Variants in DNAI2 observed in about 807,000 individuals in gnomAD.
DNAI2 encodes the protein dynein, axonemal, intermediate polypeptide 2.
In DNAI2, 63 loss-of-function variants were observed where a neutral mutation model predicts 74.7. The ratio of observed to expected loss-of-function variants is 0.84; its 90% CI spans 0.69 to 1.04. The LOEUF is 1.04. Ranked by LOEUF, DNAI2 falls within the 50% of genes least tolerant of loss-of-function variation. The pLI is 0.00. For synonymous variants in DNAI2, 289 were observed against 314.9 expected, an observed-to-expected ratio of 0.92 and a Z score of 0.87; for missense variants, 688 against 803.2, an observed-to-expected ratio of 0.86 and a Z score of 1.73.
intron 9 of DNAI2, among the ~76,000 whole-genome samples, chr17:74,305,670 C>CTTTTTTTTTTTTTT (rs4007906): frequency 8.2e-6 from 1 of 122,248 alleles, no homozygotes; most frequent in Non-Finnish European, 1.7e-5. Context: ...ATTTTATTTC[C>CTTTTTTTTTTTTTT]TTTTTTTTTT....
rs564663710 is a variant in DNAI2 at position 74,303,145 on chromosome 17, G to C, written c.987+1977G>C. Among the ~76,000 whole-genome samples, 4 of 152,268 alleles carry C rather than the reference G, an allele frequency of 2.6e-5. No homozygotes were observed. The South Asian group carries it at 8.3e-4, about 32-fold the overall frequency. ...GCCTACAACCATCTCGTGGGGTAAT[G>C]TTATTATCCGTACTTGCCAGACACA... On this transcript the variant is annotated intron_variant, in intron 8 of 13. Coordinates refer to ENST00000311014, the MANE Select transcript of DNAI2 (RefSeq NM_023036.6).
intron 3 of DNAI2, among the ~76,000 whole-genome samples, chr17:74,285,688 C>A (rs1160278825): frequency 6.6e-6 from 1 of 151,918 alleles, no homozygotes; most frequent in Non-Finnish European, 1.5e-5. Context: ...GATTGCAGTC[C>A]ATTGGAGGTC....
At chr17:74,290,638 T>A (rs2052031153) in intron 5 of DNAI2, among the ~76,000 whole-genome samples, 1 of 152,104 alleles carries the variant, frequency 6.6e-6, no homozygotes, top group Admixed American at 6.5e-5. Flanking sequence ...CCCTATGGGG[T>A]GGACTCCGTC....
chr17:74,278,773 CA>C (rs1292874206), intron 1 of DNAI2, among the ~76,000 whole-genome samples: 3 of 146,930 alleles, frequency 2.0e-5, no homozygotes, highest in Admixed American at 2.0e-4. Flanking sequence ...GATTCCATCT[CA>C]AAAAAAAAGA....
At chr17:74,312,924 A>G (rs1254550807) in intron 12 of DNAI2, among the ~76,000 whole-genome samples, 3 of 152,210 alleles carry the variant, frequency 2.0e-5, no homozygotes, top group African/African-American at 7.2e-5. Flanking sequence ...GATATGAAAG[A>G]GCCAAAGAGC....
chr17:74,286,298 A>AATAATAATAATAATC (rs1407087920), intron 3 of DNAI2, among the ~76,000 whole-genome samples: 1 of 540 alleles, frequency 1.9e-3, no homozygotes, highest in East Asian at 0.045. Flanking sequence ...TGTGTCTCAA[A>AATAATAATAATAATC]ATAATAATAA....
intron 5 of DNAI2, among the ~76,000 whole-genome samples, chr17:74,290,685 G>A (rs553492690): frequency 1.2e-4 from 18 of 148,190 alleles, no homozygotes; most frequent in East Asian, 3.9e-4. Flanking sequence ...GGAAGAAACC[G>A]GCAGAGAGTT....
chr17:74,284,287 G>A (rs1310611902), intron 2 of DNAI2, among the ~76,000 whole-genome samples: 2 of 151,914 alleles, frequency 1.3e-5, no homozygotes, highest in South Asian at 2.1e-4. Context: ...CTCCCTGCTA[G>A]AGAGGATAGG....
intron 12 of DNAI2, 112 bp downstream of exon 12, chr17:74,312,342 C>G (rs2053582034): frequency 1.3e-6 from 1 of 765,276 alleles, no homozygotes; most frequent in East Asian, 2.7e-5. Flanking sequence ...GTAGTCTTAC[C>G]TGCTAGATCT....
intron 6 of DNAI2, among the ~76,000 whole-genome samples, chr17:74,296,367 A>AGGAG (rs1036067402): frequency 9.3e-5 from 9 of 97,188 alleles, no homozygotes; most frequent in African/African-American, 1.6e-4. Context: ...GGAAGGGGGA[A>AGGAG]GGAGGGAGGG....
intron 6 of DNAI2, among the ~76,000 whole-genome samples, chr17:74,296,487 A>G (rs1029047057): frequency 6.6e-6 from 1 of 152,048 alleles, no homozygotes; most frequent in African/African-American, 2.4e-5. Context: ...TCAGCCTCCC[A>G]AAGTACAGGC....
At chr17:74,306,599 T>C (rs921817003) in intron 9 of DNAI2, among the ~76,000 whole-genome samples, 8 of 152,250 alleles carry the variant, frequency 5.3e-5, no homozygotes, top group African/African-American at 1.7e-4. Flanking sequence ...TCAGAATATC[T>C]TGGGAGGAGT....
Position 74,305,450 on chromosome 17 carries a change from G to T in DNAI2, c.1211+8G>T. The T allele has an allele frequency of 6.2e-7, 1 of 1,613,440 alleles. No homozygotes were observed. Among genetic ancestry groups the T allele is most frequent in the Non-Finnish European group, 8.5e-7 (1 of 1,179,618 alleles). ...GTCCATCATGTGGACCAAGTAAGAG[G>T]CGATGCTGGGGACAGGAGGGGATGC... is the stretch of plus-strand genomic sequence containing the variant. On this transcript the variant is annotated splice_region_variant and intron_variant, in intron 9 of 13. Coordinates refer to ENST00000311014, the MANE Select transcript of DNAI2 (RefSeq NM_023036.6).
chr17:74,305,031 A>T (rs2053097525), intron 8 of DNAI2, among the ~76,000 whole-genome samples, 188 bp from the exon 9 acceptor site: 1 of 152,192 alleles, frequency 6.6e-6, no homozygotes, highest in African/African-American at 2.4e-5. Flanking sequence ...GCTTCCAAAA[A>T]GATGGGGTCT....
At chr17:74,295,233 T>TAAAAAAAAAAAAAAAA (rs57143936) in intron 6 of DNAI2, among the ~76,000 whole-genome samples, 5 of 112,358 alleles carry the variant, frequency 4.5e-5, no homozygotes, top group Admixed American at 1.0e-4. Context: ...CATCTCTACT[T>TAAAAAAAAAAAAAAAA]AAAAAAAAAA....
At chr17:74,288,681 G>A (rs1459272443) in intron 4 of DNAI2, among the ~76,000 whole-genome samples, 1 of 152,224 alleles carries the variant, frequency 6.6e-6, no homozygotes, top group East Asian at 1.9e-4. Flanking sequence ...CTTGGGAACA[G>A]GGATGGGGAG....
intron 12 of DNAI2, among the ~76,000 whole-genome samples, chr17:74,312,759 T>C (rs1404968465): frequency 6.6e-6 from 1 of 152,242 alleles, no homozygotes; most frequent in Non-Finnish European, 1.5e-5. Flanking sequence ...GCTTCACTTC[T>C]GGCTTCCTTC....
intron 8 of DNAI2, 75 bp downstream of exon 8, chr17:74,301,243 G>A: frequency 1.2e-6 from 2 of 1,600,300 alleles, no homozygotes; most frequent in South Asian, 2.2e-5. Context: ...CCATTGCTAG[G>A]ATATCAGGTG....
intron 5 of DNAI2, among the ~76,000 whole-genome samples, chr17:74,290,408 C>T (rs1269606293): frequency 6.6e-6 from 1 of 152,214 alleles, no homozygotes; most frequent in African/African-American, 2.4e-5. Flanking sequence ...TCTGTCCTGA[C>T]ACTTGCCTTT....
Sources: gnomAD v4.1 joint callset for allele counts (sites outside exome capture counted in the v4.1 genomes callset) on GRCh38, gnomAD v4.1.1 for gene constraint, MANE v1.5 for transcripts, NCBI Gene and HGNC (gene_info 2026-07-23, HGNC 2026-07-21) for gene names.